RAP1GAP2: variants seen among roughly 807,000 people sequenced by gnomAD.
The protein encoded by RAP1GAP2 is rap1 GTPase-activating protein 2.
Under a neutral mutation model 95.0 loss-of-function variants are expected in RAP1GAP2, and 27 were observed. The observed-to-expected ratio is 0.28, with a 90% CI of 0.21 to 0.39. RAP1GAP2 has a LOEUF of 0.39. RAP1GAP2 is among the 10% of genes least tolerant of loss of function. RAP1GAP2 has a pLI of 1.00. For synonymous variants in RAP1GAP2, 373 were observed against 380.9 expected, an observed-to-expected ratio of 0.98 and a Z score of 0.24; for missense variants, 771 against 970.0, an observed-to-expected ratio of 0.79 and a Z score of 2.72.
At chr17:2,768,061 A>T (rs116322674) in intron 1 of RAP1GAP2, among the ~76,000 whole-genome samples, 231 of 152,182 alleles carry the variant, frequency 1.5e-3, no homozygotes, top group African/African-American at 5.4e-3. Context: ...TTTCTTTATT[A>T]TAATTTATTT....
intron 1 of RAP1GAP2, among the ~76,000 whole-genome samples, chr17:2,769,952 A>G (rs772958822): frequency 3.3e-5 from 5 of 151,906 alleles, no homozygotes; most frequent in Non-Finnish European, 7.4e-5. Flanking sequence ...GGGCACCTGT[A>G]ATCCCAGCTA....
At chr17:2,809,593 G>C (rs2069669863) in intron 2 of RAP1GAP2, among the ~76,000 whole-genome samples, 1 of 152,212 alleles carries the variant, frequency 6.6e-6, no homozygotes, top group East Asian at 1.9e-4. Flanking sequence ...GGTCTCCCCA[G>C]GCCCAGAGGC....
At chr17:2,975,953 C>T (rs761584400) in intron 8 of RAP1GAP2, among the ~76,000 whole-genome samples, 8 of 152,138 alleles carry the variant, frequency 5.3e-5, no homozygotes, top group Non-Finnish European at 1.2e-4. Context: ...CCCCAGAGGC[C>T]TTGGCCTGTG....
rs531724362 is a variant in RAP1GAP2 at position 2,902,413 on chromosome 17, C to T, written c.81-2871C>T. On this transcript the variant is annotated intron_variant, in intron 2 of 24. Transcript: ENST00000254695. This position sits in a 1 kb window ranked among gnomAD's most constrained non-coding sequence, Gnocchi z 4.1. ...TGTATTTTTAGTAGAGACGGGGTTTCGCCACGTTGAACAGGCTGGTTTGGA... is the reference window on the plus strand; with the variant it reads ...TGTATTTTTAGTAGAGACGGGGTTTTGCCACGTTGAACAGGCTGGTTTGGA... Among the ~76,000 whole-genome samples, 7 of 152,234 alleles carry T rather than the reference C, an allele frequency of 4.6e-5. No homozygotes were observed. Among genetic ancestry groups the T allele is most frequent in the Admixed American group, 2.0e-4 (3 of 15,290 alleles).
intron 1 of RAP1GAP2, among the ~76,000 whole-genome samples, chr17:2,783,366 C>T (rs556808675): frequency 1.3e-5 from 2 of 152,318 alleles, no homozygotes; most frequent in African/African-American, 2.4e-5. Context: ...TCTTCCCCAC[C>T]TAGAGCAGGG....
chr17:3,017,445 A>G (rs2046806515), intron 17 of RAP1GAP2, among the ~76,000 whole-genome samples: 1 of 152,182 alleles, frequency 6.6e-6, no homozygotes, highest in African/African-American at 2.4e-5. Flanking sequence ...GGCTCAGTGC[A>G]TGGATTGATG....
chr17:2,985,352 G>A (rs1021046347), intron 11 of RAP1GAP2, among the ~76,000 whole-genome samples: 23 of 152,034 alleles, frequency 1.5e-4, no homozygotes, highest in African/African-American at 5.5e-4. Context: ...ATGGGCTGCT[G>A]GTTATAAGAA....
chr17:2,931,279 CTT>C (rs1491412931), intron 3 of RAP1GAP2, among the ~76,000 whole-genome samples: 19 of 84,368 alleles, frequency 2.3e-4, no homozygotes, highest in African/African-American at 8.5e-4. Context: ...GTGAGTGTTT[CTT>C]GTGTGTGTGT....
At position 2,957,807 on chromosome 17, in the gene RAP1GAP2, C is replaced by G. The variant is rs1010453437; in HGVS notation, c.201+13C>G. 1 of 1,582,754 alleles carries G rather than the reference C, an allele frequency of 6.3e-7. No homozygotes were observed. The highest frequency in any genetic ancestry group is 8.6e-7 in the Non-Finnish European group (1 of 1,162,934). On this transcript the variant is annotated intron_variant, in intron 4 of 24. Coordinates refer to ENST00000254695, the MANE Select transcript of RAP1GAP2 (RefSeq NM_015085.5). ...GGAGAAAATGCAGGTGAGTACGTAC[C>G]CCCACCGTGGCGGGGAAGAAGCCCA... is the stretch of plus-strand genomic sequence containing the variant.
chr17:2,758,792 A>C (rs1043595597), intron 1 of RAP1GAP2, among the ~76,000 whole-genome samples: 4 of 152,180 alleles, frequency 2.6e-5, no homozygotes, highest in African/African-American at 4.8e-5. Context: ...TTATAGACTC[A>C]CTGAACTGAA....
chr17:2,963,408 C>T lies in RAP1GAP2; in HGVS notation c.247-22C>T. On this transcript the variant is annotated intron_variant, in intron 5 of 24. Coordinates refer to ENST00000254695, the MANE Select transcript of RAP1GAP2 (RefSeq NM_015085.5). This position sits in a 1 kb window ranked among gnomAD's most constrained non-coding sequence, Gnocchi z 4.8. The stretch of plus-strand genomic sequence containing the variant: ...CGGGCACTGCCGGGACTAACGGTGG[C>T]ATCATCTGGTTTGTCTTGCAGGACG... 6.2e-7 allele frequency: 1 copy of T among 1,613,670 alleles called. No individual in the cohort carries two copies. The highest frequency in any genetic ancestry group is 8.5e-7 in the Non-Finnish European group (1 of 1,179,758).
At chr17:2,920,003 C>CTTTTTT (rs1218062080) in intron 3 of RAP1GAP2, among the ~76,000 whole-genome samples, 1 of 133,984 alleles carries the variant, frequency 7.5e-6, no homozygotes. Context: ...ATCTGGCCTC[C>CTTTTTT]TTTTTTCTTT....
intron 3 of RAP1GAP2, 30 bp from the exon 4 acceptor site, chr17:2,957,729 T>A: frequency 6.2e-7 from 1 of 1,604,394 alleles, no homozygotes; most frequent in Non-Finnish European, 8.5e-7. Context: ...CTGATCCCTG[T>A]CTTTCTGTCC....
chr17:2,905,254 CCTCA>C (rs753480389), intron 2 of RAP1GAP2, 26 bp from the exon 3 acceptor site: 5 of 1,571,094 alleles, frequency 3.2e-6, no homozygotes, highest in Non-Finnish European at 4.4e-6. Context: ...GCAGGCAGGT[CCTCA>C]CTCACCTCTT....
In RAP1GAP2 at chr17:2,951,577, G is replaced by A. The variant is rs138006311; in HGVS notation, c.166-6182G>A. 1.6e-4 allele frequency among the ~76,000 whole-genome samples: 24 copies of A among 152,002 alleles called. No homozygotes were observed. In the East Asian group the frequency reaches 4.3e-3, roughly 27 times the overall value. On this transcript the variant is annotated intron_variant, in intron 3 of 24. Coordinates refer to ENST00000254695, the MANE Select transcript of RAP1GAP2 (RefSeq NM_015085.5). ...CTACTAAAAATACAAAAATTGGCTG[G>A]GTGTGGTGGCAGTGCTTGTAGTCCC... is the stretch of plus-strand genomic sequence containing the variant.
intron 13 of RAP1GAP2, among the ~76,000 whole-genome samples, chr17:2,997,523 G>A (rs1342170642): frequency 6.6e-6 from 1 of 152,114 alleles, no homozygotes; most frequent in African/African-American, 2.4e-5. Context: ...AAATATTCTT[G>A]CCAAGTCCTG....
intron 2 of RAP1GAP2, among the ~76,000 whole-genome samples, chr17:2,868,642 C>T (rs1034701121): frequency 2.7e-4 from 41 of 151,824 alleles, no homozygotes; most frequent in East Asian, 5.9e-4. Context: ...CTCAGCCTCT[C>T]GAGTAGCTGG....
chr17:2,765,629 G>C (rs1438311764), intron 1 of RAP1GAP2, among the ~76,000 whole-genome samples: 2 of 151,902 alleles, frequency 1.3e-5, no homozygotes, highest in Non-Finnish European at 2.9e-5. Context: ...TGTAGTCCCA[G>C]CTACTTGGGA....
At chr17:2,829,394 C>A (rs992186514) in intron 2 of RAP1GAP2, among the ~76,000 whole-genome samples, 61 of 152,174 alleles carry the variant, frequency 4.0e-4, no homozygotes, top group African/African-American at 1.4e-3. Context: ...CTTCAGATCT[C>A]CATAAAGGGC....
Sources: allele counts gnomAD v4.1 joint callset (sites outside exome capture counted in the v4.1 genomes callset), GRCh38; gene constraint gnomAD v4.1.1; non-coding constraint Gnocchi (gnomAD v3.1); transcripts MANE v1.5; gene names NCBI Gene and HGNC (gene_info 2026-07-23, HGNC 2026-07-21).